The following MOB2 variants were observed in gnomAD, a reference collection of about 807,000 sequenced individuals.
The protein encoded by MOB2 is MOB kinase activator 2, also known as MOB2 Mps One Binder homolog.
A neutral mutation model predicts 27.4 loss-of-function variants in MOB2; 14 were observed. That is an observed-to-expected ratio of 0.51 (90% CI 0.34 to 0.80). MOB2 has a LOEUF of 0.80. Ranked by LOEUF, MOB2 falls within the 30% of genes least tolerant of loss-of-function variation. The pLI is 0.01. For missense variants in MOB2, 304 were observed against 354.6 expected (o/e 0.86, Z 1.15); for synonymous variants, 167 against 151.8 (o/e 1.10, Z -0.74).
chr11:1,483,078 G>C (rs916356969), intron 1 of MOB2, among the ~76,000 whole-genome samples: 1 of 152,178 alleles, frequency 6.6e-6, no homozygotes, highest in Non-Finnish European at 1.5e-5. Context: ...GCCCAGTGGA[G>C]AAAACACCTC....
Position 1,485,565 on chromosome 11 carries a change from C to T in MOB2, c.110+882G>A, listed in dbSNP as rs1025236501. Among the ~76,000 whole-genome samples the T allele has an allele frequency of 3.9e-5, 6 of 152,202 alleles. No homozygotes were observed. In the East Asian group the frequency reaches 5.8e-4, roughly 15 times the overall value. The stretch of plus-strand genomic sequence containing the variant: ...GGGTGCCCAGGGACAGGCAGAGGCA[C>T]GGAGATGCACACGGGTGCCGCAGCC... On this transcript the variant is annotated intron_variant, in intron 1 of 4. Coordinates refer to ENST00000329957, the MANE Select transcript of MOB2 (RefSeq NM_001172223.3).
chr11:1,481,725 G>A (rs1002078516), intron 1 of MOB2: 33 of 8,404 alleles, frequency 3.9e-3, no homozygotes, highest in East Asian at 0.018. Context: ...CAGGGGCAGG[G>A]GCAGGGGCAG....
In MOB2 at chr11:1,471,725, G is replaced by A. The variant is rs1313863044; in HGVS notation, c.366-306C>T. ...TGAAGGGGTCATCTTCGTTTTCTCC[G>A]CTTCTACATGGCTTCAGTTGTATTC... is the stretch of plus-strand genomic sequence containing the variant. On this transcript the variant is annotated intron_variant, in intron 3 of 4. Transcript: ENST00000329957. The A allele has an allele frequency of 5.3e-5, 16 of 302,306 alleles. No individual in the cohort carries two copies. The East Asian group carries it at 5.4e-4, about 10-fold the overall frequency. 18.7% of individuals were successfully genotyped at this position (302,306 alleles called of 1,614,324 possible).
intron 3 of MOB2, among the ~76,000 whole-genome samples, chr11:1,479,961 C>G (rs1471377470): frequency 2.0e-5 from 3 of 152,224 alleles, no homozygotes; most frequent in African/African-American, 7.2e-5. Context: ...GCTACCAGCA[C>G]CAGGCATGTT....
intron 3 of MOB2, among the ~76,000 whole-genome samples, chr11:1,474,510 T>C (rs139146367): frequency 1.3e-5 from 2 of 152,378 alleles, no homozygotes; most frequent in Non-Finnish European, 2.9e-5. Flanking sequence ...GGTCAGCGTT[T>C]GGTTTTTGAC....
At chr11:1,481,120 TC>T in intron 1 of MOB2, 1 of 652,570 alleles carries the variant, frequency 1.5e-6, no homozygotes. Context: ...GGGCTGGCGC[TC>T]CCACTTGCCA....
Position 1,482,417 on chromosome 11 carries a change from G to T in MOB2, c.111-1532C>A, listed in dbSNP as rs559188414. 2.0e-5 allele frequency among the ~76,000 whole-genome samples: 3 copies of T among 152,326 alleles called. No individual in the cohort carries two copies. The East Asian group carries it at 5.8e-4, about 29-fold the overall frequency. The stretch of plus-strand genomic sequence containing the variant: ...CAGGCTGGGGCTACCTTCCACCTCC[G>T]GTCCTCAGAGAGGGCTGGGCAGGGG... On this transcript the variant is annotated intron_variant, in intron 1 of 4. Transcript: ENST00000329957.
intron 1 of MOB2, among the ~76,000 whole-genome samples, chr11:1,486,178 C>A (rs2133370574): frequency 6.6e-6 from 1 of 152,386 alleles, no homozygotes; most frequent in East Asian, 1.9e-4. Context: ...TCCCACAGAG[C>A]AACAGGAAGT....
rs564470332 is a variant in MOB2, at chr11:1,477,987, G to C, written c.365+2406C>G. Among the ~76,000 whole-genome samples the C allele has an allele frequency of 4.6e-5, 7 of 152,260 alleles. No individual in the cohort carries two copies. In the South Asian group the frequency reaches 1.2e-3, roughly 27 times the overall value. The stretch of plus-strand genomic sequence containing the variant: ...TCTCTTGGGCCACTGAAATGTTTTT[G>C]TATTTCATTTAAATTTACCTATTCT... On this transcript the variant is annotated intron_variant, in intron 3 of 4. Coordinates refer to ENST00000329957, the MANE Select transcript of MOB2 (RefSeq NM_001172223.3).
At position 1,486,746 on chromosome 11, in the gene MOB2, T is replaced by C. The variant is rs12798762; in HGVS notation, c.-190A>G. On this transcript the variant is annotated 5_prime_UTR_variant, in exon 1 of 5. Transcript: ENST00000329957. ...TGGTGAAACGAGGGAGCGTCTGAAT[T>C]GGCCTTTTCCAAGTGGCATGGCTGC... is the stretch of plus-strand genomic sequence containing the variant. The C allele has an allele frequency of 0.33, 173,729 of 532,214 alleles. 30,729 individuals carry two copies. The highest frequency in any genetic ancestry group is 0.61 in the East Asian group (18,433 of 30,318). The allele number at this position is 532,214 out of a possible 1,614,324, so 33.0% of individuals were successfully genotyped here. A position where few individuals can be genotyped will look rare whatever the true frequency, so the allele number is the denominator to read the frequency against.
intron 3 of MOB2, among the ~76,000 whole-genome samples, chr11:1,474,858 G>A (rs1427347098): frequency 6.6e-6 from 1 of 152,262 alleles, no homozygotes; most frequent in Non-Finnish European, 1.5e-5. Flanking sequence ...GAGTTTCACA[G>A]TAAGTCTCAA....
Position 1,470,255 on chromosome 11 carries a change from C to T in MOB2, c.724G>A (p.Ala242Thr), listed in dbSNP as rs372740735. 4 of 1,612,436 alleles carry T rather than the reference C, an allele frequency of 2.5e-6. No homozygotes were observed. In the Admixed American group the frequency reaches 5.0e-5, roughly 20 times the overall value. Residue 242 changes from alanine (A) to threonine (T), a missense_variant, in exon 5 of 5, where the codon GCC becomes ACC. Transcript: ENST00000329957. ...DDLTEVLCSG[A>T]GGVHSGGSGD... ...CTGCCCCCACTGTGGACCCCGCCGG[C>T]CCCGCTGCATAGCACCTCGGTGAGG...
rs750661279 is a variant in MOB2, at chr11:1,470,104, G to A, written c.*68C>T. ...GCGTGCCCAGCACATGTGTGCACAC[G>A]CAGATGCAGGAGAGAACACACACCA... On this transcript the variant is annotated 3_prime_UTR_variant, in exon 5 of 5. Coordinates refer to ENST00000329957, the MANE Select transcript of MOB2 (RefSeq NM_001172223.3). The A allele has an allele frequency of 5.5e-5, 85 of 1,547,834 alleles. No homozygotes were observed. Among genetic ancestry groups the A allele is most frequent in the Admixed American group, 2.5e-4 (13 of 51,060 alleles).
At chr11:1,471,563 T>G in intron 3 of MOB2, 144 bp from the exon 4 acceptor site, 1 of 926,136 alleles carries the variant, frequency 1.1e-6, no homozygotes, top group Non-Finnish European at 1.6e-6. Flanking sequence ...TCCCTGGACA[T>G]GCACACTGTC....
intron 3 of MOB2, among the ~76,000 whole-genome samples, chr11:1,475,546 C>T (rs1847843881): frequency 6.6e-6 from 1 of 152,230 alleles, no homozygotes; most frequent in Admixed American, 6.5e-5. Context: ...TCCACCGCCT[C>T]AGCCTCCTGA....
chr11:1,480,930 A>T (rs1441822717), intron 1 of MOB2, 45 bp from the exon 2 acceptor site: 1 of 1,544,102 alleles, frequency 6.5e-7, no homozygotes, highest in Non-Finnish European at 8.7e-7. Flanking sequence ...CGCCCATCAG[A>T]CCCAGGGTCT....
At chr11:1,482,914 G>A (rs973140756) in intron 1 of MOB2, among the ~76,000 whole-genome samples, 17 of 152,188 alleles carry the variant, frequency 1.1e-4, no homozygotes, top group African/African-American at 4.1e-4. Flanking sequence ...CTTCCCAGAA[G>A]GGCAGGCTCT....
rs766635442 is a variant in MOB2 at position 1,486,572 on chromosome 11, A to G, written c.-16T>C. On this transcript the variant is annotated 5_prime_UTR_variant, in exon 1 of 5. Transcript: ENST00000329957. The stretch of plus-strand genomic sequence containing the variant: ...CTCCCAGCATGAGTGGGCGACGGGA[A>G]GGTGGGGAGGAGAAGCGGGGCGGGG... The G allele has an allele frequency of 2.9e-5, 44 of 1,515,764 alleles. No homozygotes were observed. Among genetic ancestry groups the G allele is most frequent in the Non-Finnish European group, 3.6e-5 (41 of 1,129,024 alleles). 93.9% of individuals were successfully genotyped at this position (1,515,764 alleles called of 1,614,324 possible).
rs1847755036 is a variant in MOB2, at chr11:1,469,741, G to C, written c.*431C>G. The C allele has an allele frequency of 2.1e-6, 1 of 466,776 alleles. No homozygotes were observed. Among genetic ancestry groups the C allele is most frequent in the South Asian group, 1.5e-5 (1 of 64,658 alleles). The allele number at this position is 466,776 out of a possible 1,614,324, so 28.9% of individuals were successfully genotyped here. ...GGAGAGGAGGGGTGAGAGGGAAGGA[G>C]GGTCTCTGTGAAAGCAAGCCCCACC... On this transcript the variant is annotated 3_prime_UTR_variant, in exon 5 of 5. Coordinates refer to ENST00000329957, the MANE Select transcript of MOB2 (RefSeq NM_001172223.3).
Sources: gnomAD v4.1 joint callset for allele counts (sites outside exome capture counted in the v4.1 genomes callset) on GRCh38, gnomAD v4.1.1 for gene constraint, MANE v1.5 for transcripts, NCBI Gene and HGNC (gene_info 2026-07-23, HGNC 2026-07-21) for gene names.